Variants in R3HDM1 observed in about 807,000 individuals in gnomAD.
The protein encoded by R3HDM1 is R3H domain containing 1.
A neutral mutation model predicts 141.1 loss-of-function variants in R3HDM1; 46 were observed. That is an observed-to-expected ratio of 0.33 (90% CI 0.26 to 0.42). The LOEUF is 0.42. Among genes scored for constraint, R3HDM1 ranks in the 10% least tolerant of loss-of-function variants. R3HDM1 has a pLI of 1.00. For missense variants in R3HDM1, 1,184 were observed against 1,368.3 expected (o/e 0.87, Z 2.12); for synonymous variants, 435 against 472.9 (o/e 0.92, Z 1.04).
chr2:135,556,765 G>C (rs747330792), intron 1 of R3HDM1, among the ~76,000 whole-genome samples: 1 of 151,634 alleles, frequency 6.6e-6, no homozygotes, highest in African/African-American at 2.4e-5. Context: ...TGATCTGCCC[G>C]CCTCGGCCTC....
At position 135,639,064 on chromosome 2, in the gene R3HDM1, C is replaced by T. The variant is rs746567864; in HGVS notation, c.1161C>T (p.Val387=). 6.2e-7 allele frequency: 1 copy of T among 1,614,140 alleles called. No individual in the cohort carries two copies. The highest frequency in any genetic ancestry group is 1.1e-5 in the South Asian group (1 of 91,078). ...TKASSFSGIS[V]LTRGDSSGSS... ...CCAGCAGCTTCAGTGGAATCTCAGT[C>T]CTGACAAGAGGTGATAGTTCTGGAA... is the stretch of plus-strand genomic sequence containing the variant. The change falls in exon 14 of 27, where the codon GTC becomes GTT. Residue 387 remains valine (V), a synonymous_variant. Transcript: ENST00000683871.
chr2:135,706,386 TTTTTG>T (rs1308748796), intron 21 of R3HDM1, among the ~76,000 whole-genome samples: 2 of 151,532 alleles, frequency 1.3e-5, no homozygotes, highest in African/African-American at 4.9e-5. Context: ...TTTGTTTTTG[TTTTTG>T]TTTTTTTTGA....
At chr2:135,646,899 A>AAGAAGT (rs956901465) in intron 16 of R3HDM1, among the ~76,000 whole-genome samples, 4 of 150,008 alleles carry the variant, frequency 2.7e-5, no homozygotes, top group African/African-American at 9.9e-5. Flanking sequence ...AAAAAAGAAG[A>AAGAAGT]AGTATGATGA....
intron 1 of R3HDM1, chr2:135,584,226 G>C (rs956563433): frequency 3.9e-6 from 2 of 507,052 alleles, no homozygotes; most frequent in Non-Finnish European, 5.1e-6. Flanking sequence ...TACTCGGGAG[G>C]CTGAAGCAGG....
In R3HDM1 at chr2:135,714,774, C is replaced by CAT. The variant is rs2075996989; in HGVS notation, c.2737-775_2737-774insTA. Among the ~76,000 whole-genome samples the CAT allele has an allele frequency of 4.6e-5, 7 of 151,672 alleles. No individual in the cohort carries two copies. The South Asian group carries it at 1.5e-3, about 32-fold the overall frequency. ...ATATATATGGGTGTATACACACACACACACACACACACACACAGAGAAAGC... is the reference window on the plus strand; with the variant it reads ...ATATATATGGGTGTATACACACACACATACACACACACACACACAGAGAAAGC... On this transcript the variant is annotated intron_variant, in intron 23 of 26. Transcript: ENST00000683871.
At chr2:135,605,112 G>A in intron 3 of R3HDM1, 96 bp downstream of exon 3, 1 of 1,143,654 alleles carries the variant, frequency 8.7e-7, no homozygotes, top group Non-Finnish European at 1.2e-6. Context: ...ATTCTAAAAG[G>A]GTAAGTTGAC....
intron 1 of R3HDM1, among the ~76,000 whole-genome samples, chr2:135,577,661 A>G (rs1268443237): frequency 6.6e-6 from 1 of 151,844 alleles, no homozygotes; most frequent in African/African-American, 2.4e-5. Context: ...AACATGGAGA[A>G]ACCCCGTCTT....
intron 9 of R3HDM1, among the ~76,000 whole-genome samples, chr2:135,632,380 C>G (rs556089543): frequency 1.3e-5 from 2 of 151,850 alleles, no homozygotes; most frequent in East Asian, 1.9e-4. Context: ...CCGTGACACC[C>G]TCACATTTAG....
chr2:135,562,232 G>A (rs1324264166), intron 1 of R3HDM1, among the ~76,000 whole-genome samples: 2 of 152,192 alleles, frequency 1.3e-5, no homozygotes, highest in African/African-American at 2.4e-5. Context: ...TGGGCATCCA[G>A]GCTTTACATT....
intron 18 of R3HDM1, among the ~76,000 whole-genome samples, chr2:135,659,478 C>G (rs1414613163): frequency 6.6e-6 from 1 of 151,786 alleles, no homozygotes; most frequent in Non-Finnish European, 1.5e-5. Flanking sequence ...GCCTCTGTCA[C>G]TCAGGCTGGA....
chr2:135,692,443 T>G (rs1378214651), intron 21 of R3HDM1, among the ~76,000 whole-genome samples: 1 of 151,968 alleles, frequency 6.6e-6, no homozygotes, highest in Non-Finnish European at 1.5e-5. Flanking sequence ...AATACAAACA[T>G]TAGCTGGGCG....
chr2:135,634,628 AGT>A (rs2063076448), intron 9 of R3HDM1, among the ~76,000 whole-genome samples: 1 of 152,212 alleles, frequency 6.6e-6, no homozygotes, highest in Non-Finnish European at 1.5e-5. Flanking sequence ...TGGGTGACAG[AGT>A]GAGACTCTGT....
chr2:135,541,851 TAAA>T (rs10558924), intron 1 of R3HDM1, among the ~76,000 whole-genome samples: 2,082 of 121,878 alleles, frequency 0.017, 38 homozygotes, highest in African/African-American at 0.048. Flanking sequence ...TTCAATTTGT[TAAA>T]AAAAAAAAAA....
At chr2:135,656,472 T>C (rs957740583) in intron 18 of R3HDM1, 12 of 152,154 alleles carry the variant, frequency 7.9e-5, no homozygotes, top group African/African-American at 2.9e-4. Context: ...TGAACTTTTT[T>C]TTTTTATAAT....
chr2:135,701,256 A>G (rs910836112), intron 21 of R3HDM1, among the ~76,000 whole-genome samples: 4 of 150,994 alleles, frequency 2.6e-5, no homozygotes, highest in Non-Finnish European at 5.9e-5. Flanking sequence ...TATAAAAATT[A>G]GCCAGGTGCA....
At chr2:135,533,918 C>T (rs183037510) in intron 1 of R3HDM1, 2 of 833,250 alleles carry the variant, frequency 2.4e-6, no homozygotes, top group East Asian at 1.2e-4. Flanking sequence ...ATGTAAATCC[C>T]CTAGCATTGT....
chr2:135,573,553 C>A (rs1017082747), intron 1 of R3HDM1, among the ~76,000 whole-genome samples: 14 of 149,848 alleles, frequency 9.3e-5, no homozygotes, highest in African/African-American at 3.4e-4. Flanking sequence ...TTAAGGTTTC[C>A]AAATAGAATA....
At chr2:135,635,318 C>T (rs1364871282) in intron 9 of R3HDM1, among the ~76,000 whole-genome samples, 1 of 152,110 alleles carries the variant, frequency 6.6e-6, no homozygotes, top group African/African-American at 2.4e-5. Flanking sequence ...AGCATTTTTT[C>T]GTAGGTTTAG....
At chr2:135,640,266 T>A (rs2063669274) in intron 14 of R3HDM1, among the ~76,000 whole-genome samples, 1 of 152,246 alleles carries the variant, frequency 6.6e-6, no homozygotes, top group African/African-American at 2.4e-5. Flanking sequence ...GTCATCTTTT[T>A]AATGTATAAT....
Sources: allele counts gnomAD v4.1 joint callset (sites outside exome capture counted in the v4.1 genomes callset), GRCh38; gene constraint gnomAD v4.1.1; transcripts MANE v1.5; gene names NCBI Gene and HGNC (gene_info 2026-07-23, HGNC 2026-07-21).